Variants in HMBOX1 observed in about 807,000 individuals in gnomAD.
HMBOX1 encodes homeobox-containing protein 1.
A neutral mutation model predicts 54.5 loss-of-function variants in HMBOX1; 14 were observed. The ratio of observed to expected loss-of-function variants is 0.26; its 90% CI spans 0.17 to 0.40. HMBOX1 has a LOEUF of 0.40. Ranked by LOEUF, HMBOX1 falls within the 10% of genes least tolerant of loss-of-function variation. The probability of loss-of-function intolerance (pLI) is 1.00; values close to 1 mark genes in which losing one functional copy is unlikely to be tolerated. For synonymous variants in HMBOX1, 160 were observed against 181.0 expected (o/e 0.88, Z 0.93); for missense variants, 332 against 514.4 (o/e 0.65, Z 3.43).
intron 6 of HMBOX1, among the ~76,000 whole-genome samples, chr8:29,025,365 A>G (rs1434818403): frequency 1.3e-5 from 2 of 152,206 alleles, no homozygotes; most frequent in Non-Finnish European, 2.9e-5. Context: ...GTTAAATATC[A>G]TGATGAAGTA....
intron 1 of HMBOX1, among the ~76,000 whole-genome samples, chr8:28,896,302 A>G (rs917245019): frequency 2.0e-5 from 3 of 152,238 alleles, no homozygotes; most frequent in South Asian, 2.1e-4. Flanking sequence ...TACATCCTAC[A>G]TAACTTTAAT....
chr8:28,944,602 G>A (rs944467833), intron 1 of HMBOX1, among the ~76,000 whole-genome samples: 2 of 152,266 alleles, frequency 1.3e-5, no homozygotes, highest in Non-Finnish European at 2.9e-5. Flanking sequence ...TCTTAACCTG[G>A]TGGGTCTCCA....
intron 1 of HMBOX1, among the ~76,000 whole-genome samples, chr8:28,929,567 C>T (rs1819116124): frequency 6.6e-6 from 1 of 152,104 alleles, no homozygotes; most frequent in Admixed American, 6.5e-5. Context: ...GCTTCAAGGT[C>T]TGGCTTTTAC....
chr8:29,009,016 T>C, intron 4 of HMBOX1, 56 bp from the exon 5 acceptor site: 2 of 1,372,556 alleles, frequency 1.5e-6, no homozygotes, highest in Admixed American at 1.8e-5. Flanking sequence ...AAAGATCCTT[T>C]ATTAATTTCA....
At position 29,046,740 on chromosome 8, in the gene HMBOX1, G is replaced by A. The variant is rs563163193; in HGVS notation, c.935-618G>A. On this transcript the variant is annotated intron_variant, in intron 7 of 9. Coordinates refer to ENST00000287701, the MANE Select transcript of HMBOX1 (RefSeq NM_001135726.3). ...TCACGCTTGTAATCCCAATATTTTG[G>A]GAGGCCAAGGTGGGCAGATCGCCTG... Among the ~76,000 whole-genome samples, 12 of 152,280 alleles carry A rather than the reference G, an allele frequency of 7.9e-5. No homozygotes were observed. The South Asian group carries it at 2.5e-3, about 32-fold the overall frequency.
At chr8:29,042,710 G>T (rs982360809) in intron 6 of HMBOX1, 1 of 456,094 alleles carries the variant, frequency 2.2e-6, no homozygotes, top group African/African-American at 2.0e-5. Context: ...TAGGAGATTG[G>T]CTGGACAGGT....
intron 6 of HMBOX1, among the ~76,000 whole-genome samples, chr8:29,036,474 A>C (rs979341424): frequency 2.6e-5 from 4 of 152,094 alleles, no homozygotes; most frequent in African/African-American, 9.7e-5. Context: ...GGTTTATTTA[A>C]TTCTCCTCTA....
At chr8:28,907,849 CTTTT>C (rs1169064905) in intron 1 of HMBOX1, among the ~76,000 whole-genome samples, 1 of 144,318 alleles carries the variant, frequency 6.9e-6, no homozygotes. Flanking sequence ...TTCTTTCTTT[CTTTT>C]TTTTTTTTTT....
intron 1 of HMBOX1, among the ~76,000 whole-genome samples, chr8:28,930,883 C>G (rs1251319284): frequency 1.3e-5 from 2 of 152,098 alleles, no homozygotes; most frequent in Non-Finnish European, 2.9e-5. Context: ...TTTGTCTTAT[C>G]TCGACATTTA....
At chr8:29,002,390 C>A (rs896612978) in intron 4 of HMBOX1, among the ~76,000 whole-genome samples, 1 of 152,102 alleles carries the variant, frequency 6.6e-6, no homozygotes, top group Non-Finnish European at 1.5e-5. Context: ...AAGTCATAGA[C>A]CATCATTTGT....
chr8:28,946,704 AAG>A (rs1652503640), intron 1 of HMBOX1, among the ~76,000 whole-genome samples: 1 of 152,256 alleles, frequency 6.6e-6, no homozygotes, highest in African/African-American at 2.4e-5. Context: ...AATAACATAA[AAG>A]AATTTAAAGC....
At chr8:28,914,345 C>G (rs897277726) in intron 1 of HMBOX1, among the ~76,000 whole-genome samples, 1 of 152,024 alleles carries the variant, frequency 6.6e-6, no homozygotes, top group Admixed American at 6.6e-5. Flanking sequence ...ATAGTAAAAT[C>G]TGTATTTAGG....
At chr8:28,962,379 TA>T (rs1178455046) in intron 1 of HMBOX1, among the ~76,000 whole-genome samples, 1 of 152,236 alleles carries the variant, frequency 6.6e-6, no homozygotes, top group Non-Finnish European at 1.5e-5. Flanking sequence ...TCTTTGATGA[TA>T]ACTTCCTAGC....
intron 4 of HMBOX1, among the ~76,000 whole-genome samples, chr8:28,999,185 T>G (rs1832284747): frequency 6.6e-6 from 1 of 152,196 alleles, no homozygotes; most frequent in African/African-American, 2.4e-5. Context: ...GAGAGCATAT[T>G]TTCTGTAATT....
chr8:28,927,499 G>T (rs545704138), intron 1 of HMBOX1, among the ~76,000 whole-genome samples: 1 of 152,022 alleles, frequency 6.6e-6, no homozygotes, highest in East Asian at 1.9e-4. Flanking sequence ...GCTAGCCTGA[G>T]TGCAGAGATC....
At chr8:29,024,577 A>C (rs1801726321) in intron 6 of HMBOX1, among the ~76,000 whole-genome samples, 1 of 152,200 alleles carries the variant, frequency 6.6e-6, no homozygotes, top group Non-Finnish European at 1.5e-5. Context: ...AAAATGTAAA[A>C]TATATTTAAG....
chr8:28,990,389 TGATA>T (rs1167103523), intron 4 of HMBOX1, among the ~76,000 whole-genome samples: 2 of 152,178 alleles, frequency 1.3e-5, no homozygotes, highest in African/African-American at 4.8e-5. Context: ...GTTTTTATCA[TGATA>T]GATGTTGTAT....
intron 5 of HMBOX1, among the ~76,000 whole-genome samples, chr8:29,017,217 A>G (rs1835166683): frequency 6.6e-6 from 1 of 152,184 alleles, no homozygotes; most frequent in Non-Finnish European, 1.5e-5. Context: ...GGGCTTCCTT[A>G]CAACATCATA....
chr8:28,913,795 C>T (rs919871042), intron 1 of HMBOX1, among the ~76,000 whole-genome samples: 1 of 150,948 alleles, frequency 6.6e-6, no homozygotes, highest in Non-Finnish European at 1.5e-5. Context: ...CTCTGTCGCC[C>T]AGGCTGGAGT....
Sources: allele counts gnomAD v4.1 joint callset (sites outside exome capture counted in the v4.1 genomes callset), GRCh38; gene constraint gnomAD v4.1.1; transcripts MANE v1.5; gene names NCBI Gene and HGNC (gene_info 2026-07-23, HGNC 2026-07-21).